The following SPMAP2L variants were observed in gnomAD, a reference collection of about 807,000 sequenced individuals.
SPMAP2L encodes the protein sperm microtubule associated protein 2 like.
chr4:56,559,303 C>CA, the SPMAP2L span: 5,855 of 658,474 alleles, frequency 8.9e-3, no homozygotes, highest in South Asian at 0.01. Context: ...AAGACTGTCT[C>CA]AAAAAAAAAA....
the SPMAP2L span, among the ~76,000 whole-genome samples, chr4:56,617,772 C>T: frequency 6.6e-6 from 1 of 152,172 alleles, no homozygotes; most frequent in East Asian, 1.9e-4. Flanking sequence ...AGAATCTGAT[C>T]ACACGTGGGC....
At chr4:56,579,640 T>A in the SPMAP2L span, among the ~76,000 whole-genome samples, 1 of 152,152 alleles carries the variant, frequency 6.6e-6, no homozygotes, top group Non-Finnish European at 1.5e-5. Flanking sequence ...CATGGTGGCA[T>A]GTGTCTGTGG....
chr4:56,536,375 CT>C, the SPMAP2L span, among the ~76,000 whole-genome samples: 2 of 152,248 alleles, frequency 1.3e-5, no homozygotes, highest in Admixed American at 1.3e-4. Context: ...TGCCAGGGCA[CT>C]CTTGTTTCAA....
At chr4:56,565,611 A>G in the SPMAP2L span, among the ~76,000 whole-genome samples, 2 of 152,192 alleles carry the variant, frequency 1.3e-5, no homozygotes, top group Non-Finnish European at 2.9e-5. Context: ...AAATGGTTCA[A>G]TGTATACAAA....
chr4:56,611,590 T>A, the SPMAP2L span, among the ~76,000 whole-genome samples: 1 of 151,992 alleles, frequency 6.6e-6, no homozygotes, highest in Non-Finnish European at 1.5e-5. Context: ...AAACATTTTT[T>A]AAAAAAGGAA....
chr4:56,553,615 C>A, the SPMAP2L span, among the ~76,000 whole-genome samples: 1 of 150,470 alleles, frequency 6.6e-6, no homozygotes, highest in Non-Finnish European at 1.5e-5. Flanking sequence ...TTAGTTTTTC[C>A]TACTACTAAC....
chr4:56,592,788 G>T, the SPMAP2L span, among the ~76,000 whole-genome samples: 2 of 152,042 alleles, frequency 1.3e-5, no homozygotes, highest in African/African-American at 4.8e-5. Context: ...GGCGGGGACA[G>T]CGCCGCGGCT....
At chr4:56,553,498 CTT>C in the SPMAP2L span, among the ~76,000 whole-genome samples, 16,156 of 146,696 alleles carry the variant, frequency 0.11, 963 homozygotes, top group East Asian at 0.2. Flanking sequence ...TGTCCTATTG[CTT>C]TTTTTTTTTT....
the SPMAP2L span, among the ~76,000 whole-genome samples, chr4:56,561,513 A>C: frequency 6.6e-6 from 1 of 152,138 alleles, no homozygotes; most frequent in Non-Finnish European, 1.5e-5. Context: ...GAAAGCAGGC[A>C]TGTGCAAAGA....
the SPMAP2L span, chr4:56,548,900 G>C: frequency 3.9e-6 from 4 of 1,025,226 alleles, no homozygotes; most frequent in South Asian, 1.1e-4. Context: ...AGATTCATTT[G>C]ACGTGGGTCT....
the SPMAP2L span, among the ~76,000 whole-genome samples, chr4:56,564,043 G>A: frequency 1.3e-5 from 2 of 152,096 alleles, no homozygotes; most frequent in East Asian, 3.9e-4. Context: ...ATAGATATAG[G>A]GCTATTCAGA....
the SPMAP2L span, among the ~76,000 whole-genome samples, chr4:56,568,255 A>G: frequency 6.6e-6 from 1 of 152,138 alleles, no homozygotes; most frequent in Non-Finnish European, 1.5e-5. Flanking sequence ...TAATTTTATA[A>G]TATATCATTT....
At chr4:56,611,901 C>A in the SPMAP2L span, among the ~76,000 whole-genome samples, 1 of 152,168 alleles carries the variant, frequency 6.6e-6, no homozygotes, top group Non-Finnish European at 1.5e-5. Flanking sequence ...CAGAGCATAT[C>A]CAAAGCCTCC....
the SPMAP2L span, among the ~76,000 whole-genome samples, chr4:56,543,058 A>G: frequency 8.2e-4 from 125 of 151,884 alleles, 2 homozygotes; most frequent in South Asian, 0.026. Flanking sequence ...CCTTTACAAT[A>G]CAATCACTAT....
the SPMAP2L span, among the ~76,000 whole-genome samples, chr4:56,607,522 C>G: frequency 6.6e-6 from 1 of 152,142 alleles, no homozygotes; most frequent in African/African-American, 2.4e-5. Context: ...AGCTTTGGAA[C>G]TGGTAATGGA....
chr4:56,620,667 G>A, the SPMAP2L span, among the ~76,000 whole-genome samples: 2 of 152,220 alleles, frequency 1.3e-5, no homozygotes, highest in Non-Finnish European at 2.9e-5. Flanking sequence ...TTACAGGCGT[G>A]AGCCACCGCG....
At chr4:56,579,128 GA>G in the SPMAP2L span, among the ~76,000 whole-genome samples, 1 of 151,982 alleles carries the variant, frequency 6.6e-6, no homozygotes, top group East Asian at 1.9e-4. Flanking sequence ...ACATGTCTAT[GA>G]AACCTCTACT....
the SPMAP2L span, chr4:56,530,705 C>T: frequency 1.3e-6 from 2 of 1,535,240 alleles, no homozygotes; most frequent in African/African-American, 2.7e-5. Context: ...CTAAGTTCAT[C>T]TGCGCCGTCC....
the SPMAP2L span, chr4:56,531,228 G>T: frequency 2.0e-6 from 3 of 1,473,042 alleles, no homozygotes; most frequent in East Asian, 2.5e-5. Context: ...CATTCCCCAC[G>T]CGCTGAGCAC....
Sources: gnomAD v4.1 joint callset for allele counts (sites outside exome capture counted in the v4.1 genomes callset) on GRCh38, gnomAD v4.1.1 for gene constraint, MANE v1.5 for transcripts, NCBI Gene and HGNC (gene_info 2026-07-23, HGNC 2026-07-21) for gene names.